NEK4: variants seen among roughly 807,000 people sequenced by gnomAD.
The protein encoded by NEK4 is NIMA related kinase 4, also known as serine/threonine-protein kinase Nek4.
In NEK4, 86 loss-of-function variants were observed where a neutral mutation model predicts 98.4. The observed-to-expected ratio is 0.87, with a 90% confidence interval of 0.73 to 1.05. The LOEUF (loss-of-function observed/expected upper bound fraction) is 1.05, where lower values mean the gene tolerates loss of function less well. Ranked by LOEUF, NEK4 falls within the 50% of genes least tolerant of loss-of-function variation. The pLI, the probability that NEK4 is intolerant of heterozygous loss-of-function variation, is 0.00. For synonymous variants in NEK4, 328 were observed against 342.2 expected (o/e 0.96, Z 0.46); for missense variants, 898 against 950.3 (o/e 0.94, Z 0.72).
rs763884940 is a variant in NEK4, at chr3:52,768,531, A to G, written c.167T>C (p.Leu56Pro). 1 of 1,614,208 alleles carries G rather than the reference A, an allele frequency of 6.2e-7. No homozygotes were observed. Among genetic ancestry groups the G allele is most frequent in the Non-Finnish European group, 8.5e-7 (1 of 1,180,032 alleles). ...GTTGGGATGCTTCAACTGAGACAAG[A>G]GCTGGGCTTCCTGTTCAGCAGCTCG... ...ERRAAEQEAQ[L>P]LSQLKHPNIV... Residue 56 changes from leucine (L) to proline (P), a missense_variant, in exon 2 of 16, where the codon CTC becomes CCC. Leu to Pro is a moderately conservative substitution (Grantham distance 98). Coordinates refer to ENST00000233027, the MANE Select transcript of NEK4 (RefSeq NM_003157.6).
At chr3:52,756,576 T>C (rs2154105830) in intron 6 of NEK4, among the ~76,000 whole-genome samples, 1 of 152,266 alleles carries the variant, frequency 6.6e-6, no homozygotes, top group East Asian at 1.9e-4. Context: ...GTCAGACCTT[T>C]ACCTAACACC....
At chr3:52,744,212 T>C in intron 11 of NEK4, 27 bp downstream of exon 11, 1 of 1,573,720 alleles carries the variant, frequency 6.4e-7, no homozygotes, top group African/African-American at 1.3e-5. Flanking sequence ...AACTGCCAAT[T>C]AGATGAAGAA....
chr3:52,733,744 A>G, intron 15 of NEK4: 2 of 442,726 alleles, frequency 4.5e-6, no homozygotes, highest in South Asian at 3.3e-5. Context: ...ACCATCAGAT[A>G]ATTCATACTG....
chr3:52,766,204 A>G lies in NEK4; in HGVS notation c.532T>C (p.Phe178Leu). ...TTATAGTTGTAGGGTTTGTTTGAGA[A>G]CAATTCAGGGCTCATGTAGTAGGGT... ...GTPYYMSPEL[F>L]SNKPYNYKSD... Residue 178 changes from phenylalanine (F) to leucine (L), a missense_variant, in exon 3 of 16, where the codon TTC (phenylalanine) becomes CTC (leucine). By Grantham distance (22) the Phe-to-Leu change is conservative. Transcript: ENST00000233027. The G allele has an allele frequency of 1.9e-6, 3 of 1,614,198 alleles. No homozygotes were observed. Among genetic ancestry groups the G allele is most frequent in the Non-Finnish European group, 2.5e-6 (3 of 1,180,026 alleles).
At chr3:52,751,803 A>C (rs2097405581) in intron 7 of NEK4, 129 bp downstream of exon 7, 1 of 922,216 alleles carries the variant, frequency 1.1e-6, no homozygotes, top group African/African-American at 1.7e-5. Context: ...TGATGCAAAT[A>C]TTCTTCTATG....
At chr3:52,764,426 T>C (rs1698473664) in intron 4 of NEK4, among the ~76,000 whole-genome samples, 1 of 150,544 alleles carries the variant, frequency 6.6e-6, no homozygotes, top group East Asian at 1.9e-4. Flanking sequence ...GGTCAGGAGA[T>C]GGAGACCATC....
In NEK4 at chr3:52,711,259, A is replaced by G. The variant is rs2097350073; in HGVS notation, c.*518T>C. The G allele has an allele frequency of 6.6e-6, 1 of 152,330 alleles. No homozygotes were observed. Among genetic ancestry groups the G allele is most frequent in the South Asian group, 2.1e-4 (1 of 4,834 alleles). 9.4% of individuals were successfully genotyped at this position (152,330 alleles called of 1,614,324 possible). A position where few individuals can be genotyped will look rare whatever the true frequency, so the allele number is the denominator to read the frequency against. On this transcript the variant is annotated 3_prime_UTR_variant, in exon 16 of 16. Transcript: ENST00000233027. ...AAAGAAATACAGCTGCTCAAGTACTAGATAGAACTTCATATTCTTTAAATC... is the reference window on the plus strand; with the variant it reads ...AAAGAAATACAGCTGCTCAAGTACTGGATAGAACTTCATATTCTTTAAATC...
chr3:52,715,719 C>G (rs759206105), intron 15 of NEK4, among the ~76,000 whole-genome samples: 2 of 152,228 alleles, frequency 1.3e-5, no homozygotes, highest in African/African-American at 4.8e-5. Context: ...ACTCCTCTTC[C>G]TCTTGCTTAC....
Position 52,763,343 on chromosome 3 carries a change from T to C in NEK4, c.821+127A>G, listed in dbSNP as rs1231377518. 3 of 1,005,154 alleles carry C rather than the reference T, an allele frequency of 3.0e-6. No individual in the cohort carries two copies. The African/African-American group carries it at 4.9e-5, about 16-fold the overall frequency. 62.3% of individuals were successfully genotyped at this position (1,005,154 alleles called of 1,614,324 possible). ...TAGAATTTTGCCTCCTCTACATATGTAATCATGCCATTTTATTTCTTGTTT... is the reference window on the plus strand; with the variant it reads ...TAGAATTTTGCCTCCTCTACATATGCAATCATGCCATTTTATTTCTTGTTT... On this transcript the variant is annotated intron_variant, in intron 5 of 15. Transcript: ENST00000233027.
At chr3:52,764,630 C>CAA (rs1173451270) in intron 4 of NEK4, among the ~76,000 whole-genome samples, 17 of 132,710 alleles carry the variant, frequency 1.3e-4, no homozygotes, top group African/African-American at 4.4e-4. Flanking sequence ...GACTCTGTCT[C>CAA]AAAAAAAAAA....
chr3:52,720,787 T>G (rs2154102182), intron 15 of NEK4, among the ~76,000 whole-genome samples: 1 of 152,324 alleles, frequency 6.6e-6, no homozygotes. Flanking sequence ...GCTAAAAGGA[T>G]GAGACCCTAC....
intron 6 of NEK4, chr3:52,753,736 C>T (rs2097409638): frequency 3.6e-6 from 2 of 562,086 alleles, no homozygotes; most frequent in South Asian, 1.4e-5. Flanking sequence ...CCTACAGACT[C>T]GTCCACCTGA....
chr3:52,768,371 T>A lies in NEK4; in HGVS notation c.327A>T (p.Val109=). ...KGQLLPENQV[V]EWFVQIAMAL... is the part of the protein sequence containing the mutation. Reference sequence around the variant, plus strand: ...CCATGGCGATCTGTACAAACCACTCTACCACCTGATTCTCAGGCAGAAGCT... The same window carrying A: ...CCATGGCGATCTGTACAAACCACTCAACCACCTGATTCTCAGGCAGAAGCT... The change falls in exon 2 of 16, where the codon GTA becomes GTT. Residue 109 remains valine (V), a synonymous_variant. Coordinates refer to ENST00000233027, the MANE Select transcript of NEK4 (RefSeq NM_003157.6). 6.2e-7 allele frequency: 1 copy of A among 1,614,196 alleles called. No individual in the cohort carries two copies. Among genetic ancestry groups the A allele is most frequent in the Non-Finnish European group, 8.5e-7 (1 of 1,179,998 alleles).
chr3:52,718,634 A>G (rs1348873895), intron 15 of NEK4, among the ~76,000 whole-genome samples: 3 of 152,244 alleles, frequency 2.0e-5, no homozygotes, highest in South Asian at 4.1e-4. Flanking sequence ...TCACAACCCA[A>G]TGCCTGCCCA....
intron 10 of NEK4, 123 bp from the exon 11 acceptor site, chr3:52,744,428 G>C: frequency 1.3e-6 from 1 of 789,152 alleles, no homozygotes; most frequent in South Asian, 1.4e-5. Context: ...GCTCACACTT[G>C]TAATCCCAGC....
At chr3:52,720,649 G>T (rs2097359260) in intron 15 of NEK4, among the ~76,000 whole-genome samples, 1 of 152,130 alleles carries the variant, frequency 6.6e-6, no homozygotes, top group African/African-American at 2.4e-5. Flanking sequence ...TGTCAAACAA[G>T]AATTCCATAT....
At chr3:52,722,025 G>A (rs931049693) in intron 15 of NEK4, among the ~76,000 whole-genome samples, 17 of 152,106 alleles carry the variant, frequency 1.1e-4, no homozygotes, top group Non-Finnish European at 2.1e-4. Flanking sequence ...CTCTTTGCTC[G>A]CCCTTTCCCA....
intron 6 of NEK4, among the ~76,000 whole-genome samples, chr3:52,752,923 T>TACACACACACACACACAC (rs1559441314): frequency 1.8e-5 from 1 of 54,570 alleles, no homozygotes; most frequent in African/African-American, 7.3e-5. Flanking sequence ...AAAAAATATA[T>TACACACACACACACACAC]ATATATATAT....
Position 52,711,072 on chromosome 3 carries a change from T to C in NEK4, c.*705A>G, listed in dbSNP as rs2097349906. ...GCTTAAATGGAAATGAAATTTGTGT[T>C]TAAGAAATGTTTTCACTGATGGAAA... On this transcript the variant is annotated 3_prime_UTR_variant, in exon 16 of 16. Coordinates refer to ENST00000233027, the MANE Select transcript of NEK4 (RefSeq NM_003157.6). The C allele has an allele frequency of 6.6e-6, 1 of 152,632 alleles. No homozygotes were observed. The highest frequency in any genetic ancestry group is 2.4e-5 in the African/African-American group (1 of 41,454). The allele number at this position is 152,632 out of a possible 1,614,324, so 9.5% of individuals were successfully genotyped here. A position where few individuals can be genotyped will look rare whatever the true frequency, so the allele number is the denominator to read the frequency against.
Sources: allele counts gnomAD v4.1 joint callset (sites outside exome capture counted in the v4.1 genomes callset), GRCh38; gene constraint gnomAD v4.1.1; transcripts MANE v1.5; gene names NCBI Gene and HGNC (gene_info 2026-07-23, HGNC 2026-07-21).